Variants in TFPI observed in about 807,000 individuals in gnomAD.
TFPI encodes anti-convertin.
In TFPI, 15 loss-of-function variants were observed where a neutral mutation model predicts 34.6. The observed-to-expected ratio is 0.43, with a 90% CI of 0.29 to 0.67. The LOEUF is 0.67. TFPI is among the 30% of genes least tolerant of loss of function. TFPI has a pLI of 0.15. For missense variants in TFPI, 301 were observed against 364.0 expected (o/e 0.83, Z 1.41); for synonymous variants, 105 against 120.1 (o/e 0.87, Z 0.82).
At chr2:187,507,548 C>G (rs556440484) in intron 1 of TFPI, among the ~76,000 whole-genome samples, 1 of 151,294 alleles carries the variant, frequency 6.6e-6, no homozygotes, top group Non-Finnish European at 1.5e-5. Context: ...TTAATGATCA[C>G]CATTCTAACT....
At chr2:187,476,604 C>G (rs1429134227) in intron 6 of TFPI, among the ~76,000 whole-genome samples, 2 of 152,054 alleles carry the variant, frequency 1.3e-5, no homozygotes, top group African/African-American at 2.4e-5. Flanking sequence ...CCTTCCAAAG[C>G]GCTGGTATTA....
chr2:187,536,859 C>G (rs1688286339), intron 1 of TFPI, among the ~76,000 whole-genome samples: 1 of 152,154 alleles, frequency 6.6e-6, no homozygotes, highest in African/African-American at 2.4e-5. Flanking sequence ...CCAAAATCTC[C>G]TTAAGCTGAA....
intron 1 of TFPI, among the ~76,000 whole-genome samples, chr2:187,533,706 G>A (rs1222641442): frequency 6.6e-6 from 1 of 152,182 alleles, no homozygotes; most frequent in Non-Finnish European, 1.5e-5. Context: ...AAAACTTGAT[G>A]AAGAATGAGT....
At chr2:187,552,757 T>C (rs1282896165) in intron 1 of TFPI, among the ~76,000 whole-genome samples, 1 of 152,044 alleles carries the variant, frequency 6.6e-6, no homozygotes, top group Non-Finnish European at 1.5e-5. Context: ...CTAATAGAGA[T>C]AGGAATCAAA....
At chr2:187,537,905 C>G (rs913293372) in intron 1 of TFPI, among the ~76,000 whole-genome samples, 1 of 142,096 alleles carries the variant, frequency 7.0e-6, no homozygotes, top group Non-Finnish European at 1.6e-5. Context: ...AAAAACAACC[C>G]CATCAAAAAG....
At chr2:187,539,756 G>T (rs529715190) in intron 1 of TFPI, among the ~76,000 whole-genome samples, 1 of 152,262 alleles carries the variant, frequency 6.6e-6, no homozygotes, top group South Asian at 2.1e-4. Flanking sequence ...AAAAAGAAAT[G>T]GTGGAGGAGA....
chr2:187,539,618 A>G (rs915933936), intron 1 of TFPI, among the ~76,000 whole-genome samples: 2 of 152,128 alleles, frequency 1.3e-5, no homozygotes, highest in Middle Eastern at 3.2e-3. Context: ...AACATTTGTG[A>G]TTTTTTTCTA....
chr2:187,549,940 T>C (rs1001226617), intron 1 of TFPI, among the ~76,000 whole-genome samples: 5 of 151,954 alleles, frequency 3.3e-5, no homozygotes, highest in African/African-American at 9.7e-5. Flanking sequence ...AGTGATTTCA[T>C]AGAGATGAGA....
chr2:187,494,429 G>C (rs922884958), intron 3 of TFPI, among the ~76,000 whole-genome samples: 1 of 152,160 alleles, frequency 6.6e-6, no homozygotes, highest in Non-Finnish European at 1.5e-5. Context: ...CTTCACACAG[G>C]AAGCAGGGGA....
chr2:187,491,570 A>G (rs1053027594), intron 3 of TFPI, among the ~76,000 whole-genome samples: 10 of 152,110 alleles, frequency 6.6e-5, no homozygotes, highest in African/African-American at 2.4e-4. Flanking sequence ...ATGTGTATAT[A>G]TAAATATCAC....
chr2:187,467,402 ATTAC>A (rs1691774237), intron 7 of TFPI, among the ~76,000 whole-genome samples: 1 of 152,032 alleles, frequency 6.6e-6, no homozygotes, highest in Non-Finnish European at 1.5e-5. Flanking sequence ...ATAAACATGC[ATTAC>A]TTTTATATTC....
intron 1 of TFPI, among the ~76,000 whole-genome samples, chr2:187,512,006 A>C (rs1266166225): frequency 6.6e-6 from 1 of 152,204 alleles, no homozygotes; most frequent in Non-Finnish European, 1.5e-5. Context: ...AAAACCTATA[A>C]TTGATAATTA....
chr2:187,489,620 C>G (rs1285535317), intron 3 of TFPI, among the ~76,000 whole-genome samples: 1 of 151,346 alleles, frequency 6.6e-6, no homozygotes, highest in East Asian at 1.9e-4. Flanking sequence ...ATTTTCATTC[C>G]TGATTTACCT....
At chr2:187,470,118 C>T (rs1159825510) in intron 6 of TFPI, among the ~76,000 whole-genome samples, 2 of 152,040 alleles carry the variant, frequency 1.3e-5, no homozygotes, top group South Asian at 2.1e-4. Context: ...ACAGTAACTT[C>T]GAAATAGATG....
chr2:187,495,651 A>C (rs1043850929), intron 3 of TFPI, among the ~76,000 whole-genome samples: 4 of 152,210 alleles, frequency 2.6e-5, no homozygotes, highest in Admixed American at 2.6e-4. Flanking sequence ...TTTTCACCAC[A>C]TGGAAGTTTT....
chr2:187,512,653 G>A (rs1205754996), intron 1 of TFPI, among the ~76,000 whole-genome samples: 1 of 152,116 alleles, frequency 6.6e-6, no homozygotes, highest in African/African-American at 2.4e-5. Flanking sequence ...AAAGTTAACA[G>A]TGTAACATAT....
intron 1 of TFPI, among the ~76,000 whole-genome samples, chr2:187,534,802 T>G (rs1688152682): frequency 6.6e-6 from 1 of 151,840 alleles, no homozygotes; most frequent in Non-Finnish European, 1.5e-5. Flanking sequence ...AACCCATTGG[T>G]GTGCTGTATT....
chr2:187,514,380 G>A (rs1468632833), intron 1 of TFPI: 3 of 152,188 alleles, frequency 2.0e-5, no homozygotes, highest in African/African-American at 7.2e-5. Context: ...TCTTTTCCAG[G>A]ATTCTACAGC....
At chr2:187,524,406 CCATTTATATATTTATGTG>C (rs1397901658) in intron 1 of TFPI, among the ~76,000 whole-genome samples, 1 of 151,996 alleles carries the variant, frequency 6.6e-6, no homozygotes, top group African/African-American at 2.4e-5. Context: ...ACACTCATCA[CCATTTATATATTTATGTG>C]CATTTATATA....
Sources: gnomAD v4.1 joint callset for allele counts (sites outside exome capture counted in the v4.1 genomes callset) on GRCh38, gnomAD v4.1.1 for gene constraint, MANE v1.5 for transcripts, NCBI Gene and HGNC (gene_info 2026-07-23, HGNC 2026-07-21) for gene names.